The following PRDM5 variants were observed in gnomAD, a reference collection of about 807,000 sequenced individuals.
PRDM5 encodes PR/SET domain 5.
Under a neutral mutation model 81.2 loss-of-function variants are expected in PRDM5, and 56 were observed. The observed-to-expected ratio is 0.69, with a 90% CI of 0.56 to 0.86. The LOEUF (loss-of-function observed/expected upper bound fraction) is 0.86. Ranked by LOEUF, PRDM5 falls within the 40% of genes least tolerant of loss-of-function variation. PRDM5 has a pLI of 0.00. For synonymous variants in PRDM5, 267 were observed against 256.4 expected (o/e 1.04, Z -0.39); for missense variants, 697 against 770.1 (o/e 0.91, Z 1.12).
intron 3 of PRDM5, among the ~76,000 whole-genome samples, chr4:120,829,675 G>A (rs1398106775): frequency 6.6e-6 from 1 of 152,062 alleles, no homozygotes; most frequent in African/African-American, 2.4e-5. Context: ...CTATCCACAT[G>A]TGGACACTGT....
intron 2 of PRDM5, among the ~76,000 whole-genome samples, chr4:120,887,486 C>T (rs1763564771): frequency 6.6e-6 from 1 of 152,168 alleles, no homozygotes; most frequent in South Asian, 2.1e-4. Flanking sequence ...TAAATCAAAT[C>T]TCATCAGTCT....
intron 13 of PRDM5, among the ~76,000 whole-genome samples, chr4:120,772,613 A>G (rs1008617946): frequency 6.6e-6 from 1 of 152,212 alleles, no homozygotes; most frequent in East Asian, 1.9e-4. Context: ...CAAGACGGAA[A>G]TGGCCCCAGT....
intron 8 of PRDM5, among the ~76,000 whole-genome samples, chr4:120,802,972 G>T (rs1017785028): frequency 6.6e-6 from 1 of 152,102 alleles, no homozygotes; most frequent in East Asian, 1.9e-4. Context: ...AAGATTAGAC[G>T]AATGGCTAAC....
At chr4:120,741,060 C>G (rs1046922703) in intron 14 of PRDM5, among the ~76,000 whole-genome samples, 2 of 152,126 alleles carry the variant, frequency 1.3e-5, no homozygotes, top group Non-Finnish European at 2.9e-5. Flanking sequence ...ATCTCTAGTC[C>G]TGGAATCCAC....
At chr4:120,739,315 C>A (rs1741560907) in intron 14 of PRDM5, among the ~76,000 whole-genome samples, 1 of 152,198 alleles carries the variant, frequency 6.6e-6, no homozygotes, top group African/African-American at 2.4e-5. Context: ...TAAAGAGCAG[C>A]AGGTGCATAC....
intron 3 of PRDM5, among the ~76,000 whole-genome samples, chr4:120,848,678 A>G (rs537595258): frequency 6.6e-6 from 1 of 152,276 alleles, no homozygotes; most frequent in Non-Finnish European, 1.5e-5. Flanking sequence ...ACCACTATAA[A>G]TAACTTAAGA....
Position 120,902,467 on chromosome 4 carries a change from T to C in PRDM5, c.177+5007A>G, listed in dbSNP as rs146456885. Among the ~76,000 whole-genome samples the C allele has an allele frequency of 3.0e-4, 46 of 152,208 alleles. No individual in the cohort carries two copies. The East Asian group carries it at 5.6e-3, about 19-fold the overall frequency. Reference sequence around the variant, plus strand: ...TGAATTAGTAGAGAATTGAAGGAAATGTATCTCAAGCTCCAAACCACCTGG... The same window carrying C: ...TGAATTAGTAGAGAATTGAAGGAAACGTATCTCAAGCTCCAAACCACCTGG... On this transcript the variant is annotated intron_variant, in intron 2 of 15. Coordinates refer to ENST00000264808, the MANE Select transcript of PRDM5 (RefSeq NM_018699.4).
chr4:120,894,028 CAAT>C (rs2148634647), intron 2 of PRDM5, among the ~76,000 whole-genome samples: 1 of 152,240 alleles, frequency 6.6e-6, no homozygotes, highest in South Asian at 2.1e-4. Context: ...AAATTTAGCA[CAAT>C]GATTGATCTA....
intron 11 of PRDM5, among the ~76,000 whole-genome samples, chr4:120,784,221 C>T (rs1366036200): frequency 1.3e-5 from 2 of 152,204 alleles, no homozygotes; most frequent in East Asian, 3.9e-4. Flanking sequence ...AGTGATATAA[C>T]TGGACATTCT....
intron 3 of PRDM5, among the ~76,000 whole-genome samples, chr4:120,824,242 T>C (rs150270799): frequency 6.6e-6 from 1 of 152,346 alleles, no homozygotes; most frequent in East Asian, 1.9e-4. Context: ...ACTGTTAGCC[T>C]AGCAATAACC....
intron 14 of PRDM5, among the ~76,000 whole-genome samples, chr4:120,734,412 A>G (rs1370749507): frequency 7.2e-6 from 1 of 139,060 alleles, no homozygotes; most frequent in Non-Finnish European, 1.6e-5. Context: ...ACACACACAC[A>G]CACACAAATA....
chr4:120,836,795 G>A (rs920758603), intron 3 of PRDM5, among the ~76,000 whole-genome samples: 2 of 152,120 alleles, frequency 1.3e-5, no homozygotes, highest in African/African-American at 4.8e-5. Flanking sequence ...CTTGGGTTCA[G>A]TTTTTTCATC....
In PRDM5 at chr4:120,711,993, A is replaced by G. The variant is rs117828783; in HGVS notation, c.1624-1580T>C. Among the ~76,000 whole-genome samples the G allele has an allele frequency of 3.8e-3, 573 of 152,236 alleles. 8 individuals are homozygous for G. The highest frequency in any genetic ancestry group is 0.026 in the Admixed American group (398 of 15,282). Reference sequence around the variant, plus strand: ...AATATATCTTCAAAAATATTGCTATAAACATTCTTGGGCTGGGCATGGTGG... The same window carrying G: ...AATATATCTTCAAAAATATTGCTATGAACATTCTTGGGCTGGGCATGGTGG... On this transcript the variant is annotated intron_variant, in intron 14 of 15. Coordinates refer to ENST00000264808, the MANE Select transcript of PRDM5 (RefSeq NM_018699.4).
intron 2 of PRDM5, among the ~76,000 whole-genome samples, chr4:120,859,509 G>A (rs186562855): frequency 2.0e-4 from 31 of 152,232 alleles, no homozygotes; most frequent in African/African-American, 7.2e-4. Context: ...ACAGGCATGA[G>A]TGTTCACACC....
At chr4:120,734,308 A>C (rs1257688346) in intron 14 of PRDM5, among the ~76,000 whole-genome samples, 1 of 151,756 alleles carries the variant, frequency 6.6e-6, no homozygotes, top group Non-Finnish European at 1.5e-5. Context: ...ATAAGTATTG[A>C]TGCAGCCATA....
At chr4:120,770,016 ATTTATTTGTTTG>A (rs1228858152) in intron 13 of PRDM5, among the ~76,000 whole-genome samples, 4 of 118,004 alleles carry the variant, frequency 3.4e-5, no homozygotes, top group Admixed American at 1.0e-4. Context: ...CTATTTATTT[ATTTATTTGTTTG>A]TTTGTTTGTT....
intron 2 of PRDM5, among the ~76,000 whole-genome samples, chr4:120,869,273 T>C (rs2148530163): frequency 6.6e-6 from 1 of 152,310 alleles, no homozygotes; most frequent in African/African-American, 2.4e-5. Flanking sequence ...TCCATGAACA[T>C]TAATCTTCTT....
chr4:120,907,416 T>A (rs368986592), intron 2 of PRDM5, 58 bp downstream of exon 2: 10 of 1,355,260 alleles, frequency 7.4e-6, no homozygotes, highest in Non-Finnish European at 1.1e-5. Flanking sequence ...GCCTTAAAAA[T>A]GCATTAAATG....
At chr4:120,872,745 C>A (rs1002194339) in intron 2 of PRDM5, among the ~76,000 whole-genome samples, 4 of 151,988 alleles carry the variant, frequency 2.6e-5, no homozygotes, top group Non-Finnish European at 5.9e-5. Context: ...CACAGTGAGA[C>A]CCTGTCTCTA....
Sources: allele counts gnomAD v4.1 joint callset (sites outside exome capture counted in the v4.1 genomes callset), GRCh38; gene constraint gnomAD v4.1.1; transcripts MANE v1.5; gene names NCBI Gene and HGNC (gene_info 2026-07-23, HGNC 2026-07-21).